PPP1R27: variants seen among roughly 807,000 people sequenced by gnomAD.
PPP1R27 encodes dysferlin interacting protein 1.
PPP1R27 carries 10 observed loss-of-function variants against 12.0 expected under a neutral mutation model. The observed-to-expected ratio is 0.84, with a 90% confidence interval of 0.52 to 1.42. The LOEUF is 1.42. PPP1R27 is among the 40% of genes most tolerant of loss of function. The pLI is 0.00. For synonymous variants in PPP1R27, 98 were observed against 89.3 expected, an observed-to-expected ratio of 1.10 and a Z score of -0.55; for missense variants, 246 against 215.3, an observed-to-expected ratio of 1.14 and a Z score of -0.89.
rs1338065714 is a variant in PPP1R27, at chr17:81,833,738, C to T, written c.456G>A (p.Thr152=). Residue 152 remains threonine (T), a synonymous_variant, in exon 3 of 3, where the codon ACG becomes ACA. Coordinates refer to ENST00000330261, the MANE Select transcript of PPP1R27 (RefSeq NM_001007533.4). ...KELVELFKGT[T]MD is the part of the protein sequence containing the mutation. ...GGCGGGCAAAGCTGGCTCAGTCCAT[C>T]GTGGTCCCTTTGAAGAGCTCCACCA... 3 of 1,550,088 alleles carry T rather than the reference C, an allele frequency of 1.9e-6. No homozygotes were observed. The highest frequency in any genetic ancestry group is 2.4e-5 in the East Asian group (1 of 40,938).
rs774686006 is a variant in PPP1R27 at position 81,834,562 on chromosome 17, A to T, written c.282T>A (p.Asp94Glu). The stretch of plus-strand genomic sequence containing the variant: ...TGTGCAGGGGTGTCCAGCCCGCCTC[A>T]TCTCGCTGGTGAATGTCAGCCCCGT... ...VKYGADIHQR[D>E]EAGWTPLHIA... The change falls in exon 2 of 3, where the codon GAT becomes GAA. Residue 94 changes from aspartate to glutamate, a missense_variant. By Grantham distance (45) the Asp-to-Glu change is conservative. Transcript: ENST00000330261. The T allele has an allele frequency of 6.2e-7, 1 of 1,614,130 alleles. No individual in the cohort carries two copies. Among genetic ancestry groups the T allele is most frequent in the African/African-American group, 1.3e-5 (1 of 75,030 alleles).
In PPP1R27 at chr17:81,834,876, C is replaced by G; in HGVS notation, c.78G>C (p.Val26=). 6.2e-7 allele frequency: 1 copy of G among 1,613,270 alleles called. No homozygotes were observed. Among genetic ancestry groups the G allele is most frequent in the Non-Finnish European group, 8.5e-7 (1 of 1,179,986 alleles). Residue 26 remains valine (V), a synonymous_variant, in exon 1 of 3, where the codon GTG becomes GTC. Coordinates refer to ENST00000330261, the MANE Select transcript of PPP1R27 (RefSeq NM_001007533.4). The part of the protein sequence containing the change: ...RRRRMLADRS[V]RFPNDVLFLD... ...AGAACAGGACATCATTAGGGAAACGCACGCTGCGATCAGCCAGCATCCGCC... is the reference window on the plus strand; with the variant it reads ...AGAACAGGACATCATTAGGGAAACGGACGCTGCGATCAGCCAGCATCCGCC...
In PPP1R27 at chr17:81,833,822, A is replaced by C; in HGVS notation, c.372T>G (p.Asp124Glu). Reference sequence around the variant, plus strand: ...GCAGGTCGCCATCGTCGTTGGTTGCATCCCTGTCCGCTCCCAGGGAGATAA... The same window carrying C: ...GCAGGTCGCCATCGTCGTTGGTTGCCTCCCTGTCCGCTCCCAGGGAGATAA... ...RYLISLGADR[D>E]ATNDDGDLPS... The change falls in exon 3 of 3, where the codon GAT becomes GAG. Residue 124 changes from aspartate to glutamate, a missense_variant. Asp to Glu is a conservative substitution (Grantham distance 45). Coordinates refer to ENST00000330261, the MANE Select transcript of PPP1R27 (RefSeq NM_001007533.4). 3.2e-6 allele frequency: 5 copies of C among 1,583,740 alleles called. No individual in the cohort carries two copies. The highest frequency in any genetic ancestry group is 4.3e-6 in the Non-Finnish European group (5 of 1,164,918).
intron 2 of PPP1R27, chr17:81,834,150 C>T: frequency 2.1e-6 from 1 of 465,482 alleles, no homozygotes; most frequent in Non-Finnish European, 3.8e-6. Context: ...ATCACCCAGG[C>T]TGGAGTGCAA....
At position 81,833,843 on chromosome 17, in the gene PPP1R27, G is replaced by T. The variant is rs766316619; in HGVS notation, c.351C>A (p.Ile117=). The change falls in exon 3 of 3, where the codon ATC becomes ATA. Residue 117 remains isoleucine (I), a synonymous_variant. Transcript: ENST00000330261. ...TTGCATCCCTGTCCGCTCCCAGGGA[G>T]ATAAGGTACCTGGGGTGTAAAGGTC... ...DGYPDIARYL[I]SLGADRDATN... 88 of 1,594,000 alleles carry T rather than the reference G, an allele frequency of 5.5e-5. No homozygotes were observed. Among genetic ancestry groups the T allele is most frequent in the Non-Finnish European group, 7.4e-5 (87 of 1,170,524 alleles).
intron 2 of PPP1R27, chr17:81,834,086 T>C: frequency 1.9e-6 from 1 of 519,328 alleles, no homozygotes. Context: ...GCCTCTAGGG[T>C]TTGCAGGGTT....
chr17:81,834,198 G>A, intron 2 of PPP1R27: 1 of 459,950 alleles, frequency 2.2e-6, no homozygotes, highest in Non-Finnish European at 3.9e-6. Context: ...CCACTTCCCG[G>A]GTTCAAGTGA....
rs768598158 is a variant in PPP1R27 at position 81,834,638 on chromosome 17, T to C, written c.206A>G (p.His69Arg). 2 of 1,614,130 alleles carry C rather than the reference T, an allele frequency of 1.2e-6. No individual in the cohort carries two copies. Among genetic ancestry groups the C allele is most frequent in the Non-Finnish European group, 1.7e-6 (2 of 1,180,000 alleles). Reference sequence around the variant, plus strand: ...CAGGTTTCCAGAGAGCACGGCTTCATGCAAGGCGGCCAGGCCTGGGCAGGG... The same window carrying C: ...CAGGTTTCCAGAGAGCACGGCTTCACGCAAGGCGGCCAGGCCTGGGCAGGG... ...TIHPSGLAALHEAVLSGNLEC... is the reference protein window; with the variant it reads ...TIHPSGLAALREAVLSGNLEC... Residue 69 changes from histidine (H) to arginine (R), a missense_variant, in exon 2 of 3, where the codon CAT becomes CGT. Coordinates refer to ENST00000330261, the MANE Select transcript of PPP1R27 (RefSeq NM_001007533.4).
chr17:81,834,413 C>A, intron 2 of PPP1R27, 90 bp downstream of exon 2: 1 of 1,477,442 alleles, frequency 6.8e-7, no homozygotes. Context: ...CCGACACCAC[C>A]CGGGCTACAT....
At chr17:81,834,463 G>A in intron 2 of PPP1R27, 40 bp downstream of exon 2, 1 of 1,602,270 alleles carries the variant, frequency 6.2e-7, no homozygotes. Context: ...AGGCCCGGAG[G>A]GGTCGGGTTC....
In PPP1R27 at chr17:81,834,846, G is replaced by C. The variant is rs372449567; in HGVS notation, c.108C>G (p.Asp36Glu). ...VRFPNDVLFL[D>E]HIRQGDLEQV... Reference sequence around the variant, plus strand: ...GCTCCAGGTCACCCTGCCGGATGTGGTCCAAGAACAGGACATCATTAGGGA... The same window carrying C: ...GCTCCAGGTCACCCTGCCGGATGTGCTCCAAGAACAGGACATCATTAGGGA... The change falls in exon 1 of 3, where the codon GAC (aspartate) becomes GAG (glutamate). Residue 36 changes from aspartate (D) to glutamate (E), a missense_variant. Physicochemically the swap from Asp to Glu is conservative, Grantham distance 45. Transcript: ENST00000330261. 4 of 1,613,592 alleles carry C rather than the reference G, an allele frequency of 2.5e-6. No individual in the cohort carries two copies. Among genetic ancestry groups the C allele is most frequent in the Admixed American group, 3.3e-5 (2 of 60,002 alleles).
chr17:81,834,526 G>C lies in PPP1R27; in HGVS notation c.318C>G (p.Ser106Arg). ...ACCTGGCTATGTCAGGGTACCCATC[G>C]CTGCAGGCAATGTGCAGGGGTGTCC... ...AGWTPLHIAC[S>R]DGYPDIARYL... is the part of the protein sequence containing the mutation. Residue 106 changes from serine to arginine, a missense_variant, in exon 2 of 3, where the codon AGC (serine) becomes AGG (arginine). Coordinates refer to ENST00000330261, the MANE Select transcript of PPP1R27 (RefSeq NM_001007533.4). The C allele has an allele frequency of 3.7e-6, 6 of 1,614,080 alleles. No homozygotes were observed. In the East Asian group the frequency reaches 1.3e-4, roughly 36 times the overall value.
At position 81,833,584 on chromosome 17, in the gene PPP1R27, C is replaced by CCAGG; in HGVS notation, c.*141_*144dup. The CCAGG allele has an allele frequency of 1.3e-6, 1 of 793,312 alleles. No homozygotes were observed. The highest frequency in any genetic ancestry group is 3.8e-4 in the Middle Eastern group (1 of 2,614). 49.1% of individuals were successfully genotyped at this position (793,312 alleles called of 1,614,324 possible). On this transcript the variant is annotated 3_prime_UTR_variant, in exon 3 of 3. Transcript: ENST00000330261. ...GTAAAAAATTCACCTGGGGACAAAG[C>CCAGG]CAGGCCTAGGAGGGGTGGCGGGGTC...
At chr17:81,834,197 G>A (rs1325361101) in intron 2 of PPP1R27, 2 of 454,994 alleles carry the variant, frequency 4.4e-6, no homozygotes, top group Admixed American at 7.6e-5. Context: ...TCCACTTCCC[G>A]GGTTCAAGTG....
At chr17:81,834,363 C>T in intron 2 of PPP1R27, 140 bp downstream of exon 2, 2 of 902,956 alleles carry the variant, frequency 2.2e-6, no homozygotes, top group Non-Finnish European at 3.3e-6. Flanking sequence ...GGATTACAGG[C>T]GCAGGCGTGA....
At chr17:81,834,685 G>A (rs373804333) in intron 1 of PPP1R27, 32 bp from the exon 2 acceptor site, 26 of 1,613,048 alleles carry the variant, frequency 1.6e-5, no homozygotes, top group Non-Finnish European at 2.1e-5. Flanking sequence ...GGTCAAGACT[G>A]AGCCCCAGGT....
chr17:81,833,954 C>T, intron 2 of PPP1R27, 102 bp from the exon 3 acceptor site: 2 of 1,404,168 alleles, frequency 1.4e-6, no homozygotes, highest in Non-Finnish European at 1.9e-6. Context: ...CCTGTGTGTC[C>T]CCCACCTTGG....
In PPP1R27 at chr17:81,833,571, C is replaced by G; in HGVS notation, c.*158G>C. 1.4e-6 allele frequency: 1 copy of G among 712,298 alleles called. No homozygotes were observed. Among genetic ancestry groups the G allele is most frequent in the East Asian group, 2.9e-5 (1 of 35,052 alleles). 44.1% of individuals were successfully genotyped at this position (712,298 alleles called of 1,614,324 possible). On this transcript the variant is annotated 3_prime_UTR_variant, in exon 3 of 3. Coordinates refer to ENST00000330261, the MANE Select transcript of PPP1R27 (RefSeq NM_001007533.4). ...AAAAAGTGTCACAGTAAAAAATTCA[C>G]CTGGGGACAAAGCCAGGCCTAGGAG...
In PPP1R27 at chr17:81,833,759, C is replaced by T. The variant is rs1007947446; in HGVS notation, c.435G>A (p.Val145=). ...DLIDPDYKEL[V]ELFKGTTMD is the part of the protein sequence containing the mutation. ...CCATCGTGGTCCCTTTGAAGAGCTC[C>T]ACCAGCTCCTTGTAGTCCGGGTCGA... The change falls in exon 3 of 3, where the codon GTG becomes GTA. Residue 145 remains valine (V), a synonymous_variant. Transcript: ENST00000330261. 1.3e-6 allele frequency: 2 copies of T among 1,552,520 alleles called. No individual in the cohort carries two copies. Among genetic ancestry groups the T allele is most frequent in the Non-Finnish European group, 1.7e-6 (2 of 1,147,892 alleles).
Sources: allele counts gnomAD v4.1 joint callset, GRCh38; gene constraint gnomAD v4.1.1; transcripts MANE v1.5; gene names NCBI Gene and HGNC (gene_info 2026-07-23, HGNC 2026-07-21).